Variants in FGF14 observed in about 807,000 individuals in gnomAD.
The protein encoded by FGF14 is fibroblast growth factor homologous factor 4.
FGF14 carries 5 observed loss-of-function variants against 25.5 expected under a neutral mutation model. The ratio of observed to expected loss-of-function variants is 0.20; its 90% CI spans 0.10 to 0.41. The LOEUF (loss-of-function observed/expected upper bound fraction) is 0.41. Among genes scored for constraint, FGF14 ranks in the 10% least tolerant of loss-of-function variants. The pLI, the probability that FGF14 is intolerant of heterozygous loss-of-function variation, is 1.00. For synonymous variants in FGF14, 138 were observed against 118.3 expected (o/e 1.17, Z -1.08); for missense variants, 222 against 320.1 (o/e 0.69, Z 2.34).
rs752048246 is a variant in FGF14, at chr13:101,712,848, C to T, written c.*9983G>A. On this transcript the variant is annotated 3_prime_UTR_variant, in exon 5 of 5. Coordinates refer to ENST00000376143, the MANE Select transcript of FGF14 (RefSeq NM_004115.4). ...ATCTCTAAAATCAGGAAATTCCTCA[C>T]CTTGATGAGACCACAAGGGAACCAG... The T allele has an allele frequency of 6.6e-6, 1 of 152,178 alleles. No homozygotes were observed. Among genetic ancestry groups the T allele is most frequent in the Non-Finnish European group, 1.5e-5 (1 of 68,048 alleles). 9.4% of individuals were successfully genotyped at this position (152,178 alleles called of 1,614,324 possible).
At chr13:102,137,158 A>G (rs1190363433) in intron 1 of FGF14, among the ~76,000 whole-genome samples, 3 of 152,324 alleles carry the variant, frequency 2.0e-5, no homozygotes, top group Non-Finnish European at 4.4e-5. Context: ...TGGGCACTCT[A>G]TAAAAATCCC....
intron 1 of FGF14, among the ~76,000 whole-genome samples, chr13:102,216,424 T>C (rs984709135): frequency 1.3e-5 from 2 of 152,228 alleles, no homozygotes; most frequent in South Asian, 4.1e-4. Flanking sequence ...CACTAGAGAA[T>C]GTTACATGGA....
At chr13:101,798,187 T>A (rs916699733) in intron 3 of FGF14, among the ~76,000 whole-genome samples, 3 of 152,118 alleles carry the variant, frequency 2.0e-5, no homozygotes, top group Non-Finnish European at 4.4e-5. Context: ...AAACAACAAA[T>A]CCTGGTCTCA....
At chr13:102,287,003 A>G (rs1345232333) in intron 1 of FGF14, among the ~76,000 whole-genome samples, 2 of 152,160 alleles carry the variant, frequency 1.3e-5, no homozygotes, top group East Asian at 3.9e-4. Context: ...GGGGAGGGAT[A>G]GCATTAGGAG....
At chr13:102,231,491 T>G (rs2051081598) in intron 1 of FGF14, among the ~76,000 whole-genome samples, 1 of 152,156 alleles carries the variant, frequency 6.6e-6, no homozygotes, top group African/African-American at 2.4e-5. Flanking sequence ...GTAAAACAGC[T>G]TCATCGATAG....
intron 1 of FGF14, among the ~76,000 whole-genome samples, chr13:101,899,604 CAT>C (rs1312530480): frequency 2.0e-5 from 3 of 151,888 alleles, no homozygotes; most frequent in South Asian, 2.1e-4. Flanking sequence ...GGAGTAAAAA[CAT>C]GTGGGACATT....
intron 1 of FGF14, among the ~76,000 whole-genome samples, chr13:102,368,234 A>G (rs1182004133): frequency 2.0e-5 from 3 of 152,232 alleles, no homozygotes; most frequent in Admixed American, 6.5e-5. Context: ...ACTTATTTTG[A>G]TAATTAAATG....
intron 1 of FGF14, among the ~76,000 whole-genome samples, chr13:102,104,360 C>G (rs577498296): frequency 6.6e-6 from 1 of 152,182 alleles, no homozygotes; most frequent in South Asian, 2.1e-4. Context: ...TCATTTTGTA[C>G]ATAAGAACAC....
At chr13:102,020,737 G>A (rs558634070) in intron 1 of FGF14, among the ~76,000 whole-genome samples, 1 of 152,180 alleles carries the variant, frequency 6.6e-6, no homozygotes, top group South Asian at 2.1e-4. Context: ...TTCTCTAGCA[G>A]CATTTAGCAA....
intron 1 of FGF14, among the ~76,000 whole-genome samples, chr13:102,125,622 C>G (rs994599544): frequency 1.3e-5 from 2 of 152,104 alleles, no homozygotes; most frequent in African/African-American, 4.8e-5. Flanking sequence ...AGGAAGACAC[C>G]TGGATAGCAG....
chr13:102,033,635 C>A (rs1357919067), intron 1 of FGF14, among the ~76,000 whole-genome samples: 4 of 152,142 alleles, frequency 2.6e-5, no homozygotes, highest in Admixed American at 1.3e-4. Context: ...AGGACAAGAT[C>A]TGAGCTACCC....
intron 1 of FGF14, among the ~76,000 whole-genome samples, chr13:102,080,008 A>T (rs1166390175): frequency 6.6e-6 from 1 of 152,132 alleles, no homozygotes; most frequent in Non-Finnish European, 1.5e-5. Flanking sequence ...CAAGAGGAAG[A>T]AGCTGGGAGA....
chr13:102,218,065 G>T (rs1254333594), intron 1 of FGF14, among the ~76,000 whole-genome samples: 1 of 152,174 alleles, frequency 6.6e-6, no homozygotes, highest in Non-Finnish European at 1.5e-5. Flanking sequence ...GTATTCGTGT[G>T]CTCCATTTTT....
intron 1 of FGF14, among the ~76,000 whole-genome samples, chr13:101,903,980 C>T (rs1010787742): frequency 9.9e-5 from 15 of 152,132 alleles, no homozygotes. Context: ...ATGTAGGTGG[C>T]CTTCTAATGT....
At chr13:101,837,166 A>G (rs942322633) in intron 3 of FGF14, among the ~76,000 whole-genome samples, 1 of 123,578 alleles carries the variant, frequency 8.1e-6, no homozygotes, top group African/African-American at 3.6e-5. Flanking sequence ...AGCTGGTACT[A>G]TATGTGTGTG....
At chr13:102,255,854 G>A (rs1177501222) in intron 1 of FGF14, among the ~76,000 whole-genome samples, 1 of 152,208 alleles carries the variant, frequency 6.6e-6, no homozygotes, top group Non-Finnish European at 1.5e-5. Context: ...TTGTGAGTGA[G>A]CATGCTGCTT....
In FGF14 at chr13:102,253,235, G is replaced by A. The variant is rs147692111; in HGVS notation, c.208+148236C>T. 9.6e-3 allele frequency among the ~76,000 whole-genome samples: 1,466 copies of A among 152,256 alleles called. 17 individuals are homozygous for A. Among genetic ancestry groups the A allele is most frequent in the Non-Finnish European group, 0.011 (753 of 68,020 alleles). The stretch of plus-strand genomic sequence containing the variant: ...GTATTTCTAGTTCTAGATCCTTGAG[G>A]AATCGCCACACTGACTTCCACAATG... On this transcript the variant is annotated intron_variant, in intron 1 of 4. Transcript: ENST00000376131.
At chr13:101,846,694 G>A (rs897776445) in intron 3 of FGF14, among the ~76,000 whole-genome samples, 1 of 152,052 alleles carries the variant, frequency 6.6e-6, no homozygotes, top group African/African-American at 2.4e-5. Flanking sequence ...AAGATAGCCA[G>A]AGTGGCTGTT....
chr13:101,742,970 A>G (rs1027301543), intron 3 of FGF14, among the ~76,000 whole-genome samples: 1 of 152,182 alleles, frequency 6.6e-6, no homozygotes, highest in African/African-American at 2.4e-5. Context: ...GCATTCACTG[A>G]AAGGCTAATC....
Sources: gnomAD v4.1 joint callset for allele counts (sites outside exome capture counted in the v4.1 genomes callset) on GRCh38, gnomAD v4.1.1 for gene constraint, MANE v1.5 for transcripts, NCBI Gene and HGNC (gene_info 2026-07-23, HGNC 2026-07-21) for gene names.